RNF43: variants seen among roughly 807,000 people sequenced by gnomAD.
RNF43 encodes E3 ubiquitin-protein ligase RNF43.
In RNF43, 37 loss-of-function variants were observed where a neutral mutation model predicts 78.4. The ratio of observed to expected loss-of-function variants is 0.47; its 90% CI spans 0.36 to 0.62. RNF43 has a LOEUF of 0.62. Among genes scored for constraint, RNF43 ranks in the 20% least tolerant of loss-of-function variants. The probability of loss-of-function intolerance (pLI) is 0.00; values close to 1 mark genes in which losing one functional copy is unlikely to be tolerated. For missense variants in RNF43, 774 were observed against 1,007.9 expected (o/e 0.77, Z 3.14); for synonymous variants, 347 against 395.0 (o/e 0.88, Z 1.44).
intron 2 of RNF43, chr17:58,395,160 C>T (rs766260775): frequency 1.1e-4 from 16 of 152,188 alleles, no homozygotes; most frequent in Non-Finnish European, 1.9e-4. Context: ...GCCTTCAGTA[C>T]CTAGCAAAAC....
chr17:58,373,523 T>C (rs546286384), intron 2 of RNF43, among the ~76,000 whole-genome samples: 6 of 152,314 alleles, frequency 3.9e-5, no homozygotes, highest in African/African-American at 1.4e-4. Flanking sequence ...TTAAAAACAA[T>C]TATTTAATTT....
intron 2 of RNF43, among the ~76,000 whole-genome samples, chr17:58,385,828 T>C (rs1388011260): frequency 1.3e-5 from 2 of 152,214 alleles, no homozygotes; most frequent in African/African-American, 4.8e-5. Flanking sequence ...AAATGGAGGC[T>C]GGGCATGGTG....
At chr17:58,374,972 T>C (rs967959519) in intron 2 of RNF43, among the ~76,000 whole-genome samples, 1 of 152,184 alleles carries the variant, frequency 6.6e-6, no homozygotes, top group African/African-American at 2.4e-5. Flanking sequence ...AGCAAGATGC[T>C]GTCCTCCTAG....
At chr17:58,410,709 C>T (rs1172784968) in intron 2 of RNF43, among the ~76,000 whole-genome samples, 2 of 152,074 alleles carry the variant, frequency 1.3e-5, no homozygotes, top group Non-Finnish European at 2.9e-5. Flanking sequence ...AAATATGTTA[C>T]ATTATAAGGG....
chr17:58,409,467 A>G (rs1247024447), intron 2 of RNF43, among the ~76,000 whole-genome samples: 1 of 152,244 alleles, frequency 6.6e-6, no homozygotes, highest in Non-Finnish European at 1.5e-5. Context: ...TAAAAAATCC[A>G]ATAAACTCTT....
intron 3 of RNF43, among the ~76,000 whole-genome samples, chr17:58,368,549 TA>T (rs1300899429): frequency 0.017 from 1,754 of 104,290 alleles, 17 homozygotes; most frequent in African/African-American, 0.041. Flanking sequence ...TCCATCTCGT[TA>T]AAAAAAAAAA....
chr17:58,362,956 C>A (rs1972869011), intron 5 of RNF43, among the ~76,000 whole-genome samples: 1 of 152,216 alleles, frequency 6.6e-6, no homozygotes, highest in Admixed American at 6.5e-5. Context: ...GGATGAGGTT[C>A]TTGGCCAGTA....
At chr17:58,384,308 T>C (rs1454500829) in intron 2 of RNF43, among the ~76,000 whole-genome samples, 2 of 152,096 alleles carry the variant, frequency 1.3e-5, no homozygotes, top group South Asian at 2.1e-4. Context: ...CCACACTGAG[T>C]GGGTAAGGGA....
At position 58,415,615 on chromosome 17, in the gene RNF43, T is replaced by C; in HGVS notation, c.-38A>G. 2 of 1,598,358 alleles carry C rather than the reference T, an allele frequency of 1.3e-6. No homozygotes were observed. The highest frequency in any genetic ancestry group is 1.7e-6 in the Non-Finnish European group (2 of 1,177,816). On this transcript the variant is annotated 5_prime_UTR_variant, in exon 2 of 10. Transcript: ENST00000407977. ...AGCAATGCACTTCAACCATACATAC[T>C]GCTTCCACTAGCTAATACCAAATGC... is the stretch of plus-strand genomic sequence containing the variant.
Position 58,357,509 on chromosome 17 carries a change from G to C in RNF43, c.2267C>G (p.Pro756Arg), listed in dbSNP as rs757324156. The change falls in exon 9 of 10, where the codon CCA becomes CGA. Residue 756 changes from proline (P) to arginine (R), a missense_variant. Transcript: ENST00000407977. This position sits in a 1 kb window ranked among gnomAD's most constrained non-coding sequence, Gnocchi z 4.5. ...CACCTGGCAGTGCGGATAAGGGCAT[G>C]GCCTGCCCTCTGCGGTGTCAGAACT... Reference protein sequence around the residue: ...EWSSDTAEGRPCPYPHCQVLS... With the variant: ...EWSSDTAEGRRCPYPHCQVLS... 4.3e-6 allele frequency: 7 copies of C among 1,614,236 alleles called. No homozygotes were observed. In the African/African-American group the frequency reaches 5.3e-5, roughly 12 times the overall value.
chr17:58,377,724 C>T (rs1488662352), intron 2 of RNF43, among the ~76,000 whole-genome samples: 2 of 145,068 alleles, frequency 1.4e-5, no homozygotes, highest in Non-Finnish European at 3.0e-5. Flanking sequence ...GCAATTGTCT[C>T]TTAGTTCTCT....
At chr17:58,387,784 T>C (rs1477060205) in intron 2 of RNF43, among the ~76,000 whole-genome samples, 3 of 152,238 alleles carry the variant, frequency 2.0e-5, no homozygotes, top group East Asian at 3.8e-4. Context: ...GTTCTGAATA[T>C]GGCTCAGCTA....
rs1974141151 is a variant in RNF43, at chr17:58,417,037, C to A, written c.-406G>T. On this transcript the variant is annotated 5_prime_UTR_variant, in exon 1 of 10. Transcript: ENST00000407977. The stretch of plus-strand genomic sequence containing the variant: ...CAAACCTGTTGCGCTGTCGGGCCCA[C>A]TGGAATCCACGGGGGTGAAACAAAT... The A allele has an allele frequency of 6.6e-6, 1 of 152,194 alleles. No individual in the cohort carries two copies. Among genetic ancestry groups the A allele is most frequent in the Non-Finnish European group, 1.5e-5 (1 of 68,050 alleles). The allele number at this position is 152,194 out of a possible 1,614,324, so 9.4% of individuals were successfully genotyped here.
chr17:58,387,807 C>T (rs983854809), intron 2 of RNF43, among the ~76,000 whole-genome samples: 1 of 152,212 alleles, frequency 6.6e-6, no homozygotes, highest in African/African-American at 2.4e-5. Context: ...ATATAACTAT[C>T]TTACTCTGGC....
chr17:58,364,892 C>A (rs1210809856), intron 3 of RNF43, among the ~76,000 whole-genome samples: 1 of 152,206 alleles, frequency 6.6e-6, no homozygotes, highest in Non-Finnish European at 1.5e-5. Flanking sequence ...TTTCCTTGCT[C>A]CAGCTCTCTG....
chr17:58,356,675 T>G (rs1177970783), intron 9 of RNF43, among the ~76,000 whole-genome samples: 1 of 152,150 alleles, frequency 6.6e-6, no homozygotes, highest in East Asian at 1.9e-4. Context: ...TCTCTCTTTT[T>G]TCTCGTTGTT....
chr17:58,417,122 C>T lies in RNF43; in HGVS notation c.-491G>A, dbSNP rs553329596. 2.0e-5 allele frequency: 3 copies of T among 152,312 alleles called. No homozygotes were observed. Among genetic ancestry groups the T allele is most frequent in the South Asian group, 2.1e-4 (1 of 4,826 alleles). The allele number at this position is 152,312 out of a possible 1,614,324, so 9.4% of individuals were successfully genotyped here. A position where few individuals can be genotyped will look rare whatever the true frequency, so the allele number is the denominator to read the frequency against. On this transcript the variant is annotated 5_prime_UTR_variant, in exon 1 of 10. Coordinates refer to ENST00000407977, the MANE Select transcript of RNF43 (RefSeq NM_017763.6). ...GTTTCAACTGCTTAACCAAGTACAG[C>T]TCATTCTTCCACCTTCTTACTCTGC...
chr17:58,356,586 C>T (rs1044183199), intron 9 of RNF43, among the ~76,000 whole-genome samples: 3 of 152,132 alleles, frequency 2.0e-5, no homozygotes, highest in Admixed American at 1.3e-4. Context: ...GGGAAGTCCT[C>T]CTTGTTCTTT....
At chr17:58,369,034 TC>T (rs1973019067) in intron 3 of RNF43, among the ~76,000 whole-genome samples, 3 of 151,704 alleles carry the variant, frequency 2.0e-5, no homozygotes, top group African/African-American at 7.3e-5. Flanking sequence ...CAGCAAAGCT[TC>T]TCGGAATCCT....
Sources: gnomAD v4.1 joint callset for allele counts (sites outside exome capture counted in the v4.1 genomes callset) on GRCh38, gnomAD v4.1.1 for gene constraint, Gnocchi (gnomAD v3.1) non-coding constraint, MANE v1.5 for transcripts, NCBI Gene and HGNC (gene_info 2026-07-23, HGNC 2026-07-21) for gene names.